VPS33A: variants seen among roughly 807,000 people sequenced by gnomAD.
VPS33A encodes the protein vacuolar protein sorting-associated protein 33A.
A neutral mutation model predicts 71.8 loss-of-function variants in VPS33A; 32 were observed. The ratio of observed to expected loss-of-function variants is 0.45; its 90% CI spans 0.34 to 0.60. VPS33A has a LOEUF of 0.60. Ranked by LOEUF, VPS33A falls within the 20% of genes least tolerant of loss-of-function variation. The pLI is 0.02. For synonymous variants in VPS33A, 311 were observed against 292.7 expected, an observed-to-expected ratio of 1.06 and a Z score of -0.64; for missense variants, 625 against 748.5, an observed-to-expected ratio of 0.84 and a Z score of 1.92.
chr12:122,264,125 C>G lies in VPS33A; in HGVS notation c.168+9G>C. 1 of 1,519,758 alleles carries G rather than the reference C, an allele frequency of 6.6e-7. No homozygotes were observed. Among genetic ancestry groups the G allele is most frequent in the Non-Finnish European group, 8.9e-7 (1 of 1,120,528 alleles). 94.1% of individuals were successfully genotyped at this position (1,519,758 alleles called of 1,614,324 possible). A position where few individuals can be genotyped will look rare whatever the true frequency, so the allele number is the denominator to read the frequency against. ...TAATCCCCTAACAAAACCCAAATAG[C>G]TCATTTACCTTCAATAGTGAATACT... On this transcript the variant is annotated intron_variant, in intron 2 of 12. Transcript: ENST00000267199.
At chr12:122,246,088 G>C (rs1333373801) in intron 6 of VPS33A, among the ~76,000 whole-genome samples, 1 of 152,150 alleles carries the variant, frequency 6.6e-6, no homozygotes, top group East Asian at 1.9e-4. Flanking sequence ...GGATGGCATG[G>C]AGCTGGTGTA....
At chr12:122,253,957 C>G (rs1566048361) in intron 4 of VPS33A, among the ~76,000 whole-genome samples, 2 of 152,096 alleles carry the variant, frequency 1.3e-5, no homozygotes, top group African/African-American at 4.8e-5. Flanking sequence ...CCTTGGCCGC[C>G]CAAAGTGCCA....
intron 5 of VPS33A, among the ~76,000 whole-genome samples, chr12:122,250,740 T>A (rs1954831956): frequency 6.6e-6 from 1 of 152,210 alleles, no homozygotes; most frequent in Non-Finnish European, 1.5e-5. Flanking sequence ...GAGTGTCAGC[T>A]GCCTCAGTTG....
At chr12:122,253,312 T>C (rs1328269780) in intron 4 of VPS33A, 2 of 152,192 alleles carry the variant, frequency 1.3e-5, no homozygotes, top group Admixed American at 1.3e-4. Context: ...CCCAGCACTT[T>C]GGGAGGCTGA....
intron 6 of VPS33A, among the ~76,000 whole-genome samples, chr12:122,246,854 G>C (rs1343244854): frequency 6.6e-6 from 1 of 152,056 alleles, no homozygotes; most frequent in Non-Finnish European, 1.5e-5. Flanking sequence ...GGCCCGCCTT[G>C]GCCTCCCACA....
intron 4 of VPS33A, among the ~76,000 whole-genome samples, chr12:122,254,046 T>A (rs898316659): frequency 6.6e-6 from 1 of 152,084 alleles, no homozygotes; most frequent in Non-Finnish European, 1.5e-5. Flanking sequence ...CACAGCAGAA[T>A]ACCTTGCAGA....
intron 3 of VPS33A, among the ~76,000 whole-genome samples, chr12:122,263,335 GT>G (rs532165781): frequency 1.8e-4 from 27 of 152,156 alleles, no homozygotes; most frequent in African/African-American, 5.3e-4. Context: ...ATTAACTATA[GT>G]CACCCTGTTG....
intron 4 of VPS33A, among the ~76,000 whole-genome samples, chr12:122,259,879 G>T (rs1449075272): frequency 6.6e-5 from 10 of 151,674 alleles, no homozygotes; most frequent in African/African-American, 2.4e-4. Flanking sequence ...GAAAAAAAAA[G>T]AAATTAAAAA....
rs927778109 is a variant in VPS33A, at chr12:122,250,395, C to T, written c.601-350G>A. ...GGTTCCTGGGAGCCTCTGGTCTCAA[C>T]GTTTCTGTCAATTGATCAATACGTA... On this transcript the variant is annotated intron_variant, in intron 5 of 12. Transcript: ENST00000267199. Among the ~76,000 whole-genome samples the T allele has an allele frequency of 2.6e-5, 4 of 152,206 alleles. No homozygotes were observed. The East Asian group carries it at 7.7e-4, about 29-fold the overall frequency.
intron 8 of VPS33A, 85 bp from the exon 9 acceptor site, chr12:122,240,030 C>A: frequency 9.4e-7 from 1 of 1,059,426 alleles, no homozygotes; most frequent in Non-Finnish European, 1.4e-6. Context: ...GAGCACGATT[C>A]AGAAACTAGA....
chr12:122,261,096 G>A (rs1480985145), intron 4 of VPS33A, among the ~76,000 whole-genome samples, 165 bp downstream of exon 4: 1 of 152,050 alleles, frequency 6.6e-6, no homozygotes, highest in East Asian at 1.9e-4. Flanking sequence ...TACTCAAAAA[G>A]AAAAAACGGG....
Position 122,231,824 on chromosome 12 carries a change from A to T in VPS33A, c.*422T>A. The T allele has an allele frequency of 3.3e-6, 1 of 302,536 alleles. No individual in the cohort carries two copies. Among genetic ancestry groups the T allele is most frequent in the Non-Finnish European group, 6.0e-6 (1 of 165,820 alleles). 18.7% of individuals were successfully genotyped at this position (302,536 alleles called of 1,614,324 possible). ...GTAATCCCAGCACTGTGGGAGGCCGAGGCAGGTGGATCACCTGAGGTCAGG... is the reference window on the plus strand; with the variant it reads ...GTAATCCCAGCACTGTGGGAGGCCGTGGCAGGTGGATCACCTGAGGTCAGG... On this transcript the variant is annotated 3_prime_UTR_variant, in exon 13 of 13. Transcript: ENST00000267199.
Position 122,250,019 on chromosome 12 carries a change from C to T in VPS33A, c.627G>A (p.Met209Ile), listed in dbSNP as rs1279360179. ...ARQVANMMIR[M>I]KREFTGSQNS... ...TCTGGCTTCCTGTAAACTCTCTCTT[C>T]ATCCTGATCATCATATTGGCCACTT... is the stretch of plus-strand genomic sequence containing the variant. Residue 209 changes from methionine (M) to isoleucine (I), a missense_variant, in exon 6 of 13, where the codon ATG becomes ATA. Transcript: ENST00000267199. 6.2e-7 allele frequency: 1 copy of T among 1,612,464 alleles called. No individual in the cohort carries two copies. Among genetic ancestry groups the T allele is most frequent in the Non-Finnish European group, 8.5e-7 (1 of 1,179,422 alleles).
chr12:122,263,039 C>G (rs1244316155), intron 3 of VPS33A, among the ~76,000 whole-genome samples: 1 of 146,486 alleles, frequency 6.8e-6, no homozygotes, highest in East Asian at 2.0e-4. Context: ...GTTGCCCAGG[C>G]TGGAGTGCAG....
Position 122,242,454 on chromosome 12 carries a change from G to A in VPS33A, c.1024C>T (p.Pro342Ser). Residue 342 changes from proline to serine, a missense_variant, in exon 8 of 13, where the codon CCC becomes TCC. Physicochemically the swap from Pro to Ser is moderately conservative, Grantham distance 74. Coordinates refer to ENST00000267199, the MANE Select transcript of VPS33A (RefSeq NM_022916.6). ...GEIKQFVSQL[P>S]HMQAARGSLA... Reference sequence around the variant, plus strand: ...GAGCCCCTTGCTGCCTGCATGTGGGGCAACTGGGAAACAAACTGCTTGATC... The same window carrying A: ...GAGCCCCTTGCTGCCTGCATGTGGGACAACTGGGAAACAAACTGCTTGATC... The A allele has an allele frequency of 6.2e-7, 1 of 1,614,140 alleles. No individual in the cohort carries two copies. The highest frequency in any genetic ancestry group is 8.5e-7 in the Non-Finnish European group (1 of 1,179,990).
In VPS33A at chr12:122,238,689, C is replaced by T. The variant is rs557474304; in HGVS notation, c.1200G>A (p.Lys400=). ...NNYIEDCIAQ[K]HSLIKVLRLV... ...GTCTTAACACCTTGATCAACGAGTG[C>T]TTTTGGGCGATACAATCCTCAATGT... The change falls in exon 10 of 13, where the codon AAG becomes AAA. Residue 400 remains lysine (K), a synonymous_variant. Transcript: ENST00000267199. The T allele has an allele frequency of 6.2e-6, 10 of 1,613,304 alleles. No homozygotes were observed. The African/African-American group carries it at 9.4e-5, about 15-fold the overall frequency.
chr12:122,251,565 G>A (rs1954843991), intron 4 of VPS33A, among the ~76,000 whole-genome samples: 1 of 152,132 alleles, frequency 6.6e-6, no homozygotes, highest in Non-Finnish European at 1.5e-5. Context: ...AGATTTTCAT[G>A]ACAACTGACA....
intron 11 of VPS33A, among the ~76,000 whole-genome samples, chr12:122,235,491 T>G (rs1471193752): frequency 6.6e-6 from 1 of 151,996 alleles, no homozygotes; most frequent in Non-Finnish European, 1.5e-5. Flanking sequence ...CTCAAACTCC[T>G]GAGCTCAAGT....
intron 7 of VPS33A, among the ~76,000 whole-genome samples, chr12:122,243,357 C>T (rs1954738772): frequency 6.6e-6 from 1 of 152,106 alleles, no homozygotes; most frequent in Non-Finnish European, 1.5e-5. Context: ...ACCTCAGCCT[C>T]CCAAGGAGCT....
Sources: gnomAD v4.1 joint callset for allele counts (sites outside exome capture counted in the v4.1 genomes callset) on GRCh38, gnomAD v4.1.1 for gene constraint, MANE v1.5 for transcripts, NCBI Gene and HGNC (gene_info 2026-07-23, HGNC 2026-07-21) for gene names.